GPT2: variants seen among roughly 807,000 people sequenced by gnomAD.
GPT2 encodes the protein glutamic--pyruvic transaminase 2.
A neutral mutation model predicts 56.9 loss-of-function variants in GPT2; 30 were observed. The observed-to-expected ratio is 0.53, with a 90% CI of 0.39 to 0.72. The LOEUF (loss-of-function observed/expected upper bound fraction) is 0.72. Among genes scored for constraint, GPT2 ranks in the 30% least tolerant of loss-of-function variants. The probability of loss-of-function intolerance (pLI) is 0.00; values close to 1 mark genes in which losing one functional copy is unlikely to be tolerated. For synonymous variants in GPT2, 271 were observed against 283.1 expected, an observed-to-expected ratio of 0.96 and a Z score of 0.43; for missense variants, 542 against 703.4, an observed-to-expected ratio of 0.77 and a Z score of 2.60.
chr16:46,906,373 T>G (rs1291727659), intron 4 of GPT2, among the ~76,000 whole-genome samples: 7 of 152,212 alleles, frequency 4.6e-5, no homozygotes. Context: ...GGTGCTATTT[T>G]GGAGCCTAAG....
intron 9 of GPT2, chr16:46,924,052 G>T: frequency 2.6e-6 from 1 of 380,052 alleles, no homozygotes; most frequent in Non-Finnish European, 5.1e-6. Flanking sequence ...CTCCCAGGGT[G>T]AGCGCTGTGG....
chr16:46,896,542 TC>T (rs1405100573), intron 2 of GPT2, among the ~76,000 whole-genome samples: 4 of 152,202 alleles, frequency 2.6e-5, no homozygotes, highest in Non-Finnish European at 5.9e-5. Context: ...TCCCTGCTGA[TC>T]CATGTCTTCC....
intron 3 of GPT2, among the ~76,000 whole-genome samples, chr16:46,897,982 A>C (rs909764967): frequency 6.6e-6 from 1 of 152,114 alleles, no homozygotes; most frequent in African/African-American, 2.4e-5. Flanking sequence ...CTGGGAGCTG[A>C]GTTAGGAACT....
At chr16:46,904,652 A>G (rs1239949192) in intron 4 of GPT2, among the ~76,000 whole-genome samples, 1 of 152,148 alleles carries the variant, frequency 6.6e-6, no homozygotes, top group African/African-American at 2.4e-5. Context: ...GGGCTTGCTA[A>G]TGGGTGAAGG....
chr16:46,922,759 C>T (rs981039247), intron 9 of GPT2, among the ~76,000 whole-genome samples: 2 of 152,068 alleles, frequency 1.3e-5, no homozygotes, highest in Admixed American at 6.5e-5. Context: ...AGGGGCGCAG[C>T]ATCGATCCCA....
Position 46,884,952 on chromosome 16 carries a change from G to A in GPT2, c.237G>A (p.Leu79=). 3 of 1,509,010 alleles carry A rather than the reference G, an allele frequency of 2.0e-6. No individual in the cohort carries two copies. Among genetic ancestry groups the A allele is most frequent in the Non-Finnish European group, 2.7e-6 (3 of 1,124,390 alleles). 93.5% of individuals were successfully genotyped at this position (1,509,010 alleles called of 1,614,324 possible). A position where few individuals can be genotyped will look rare whatever the true frequency, so the allele number is the denominator to read the frequency against. Residue 79 remains leucine (L), a synonymous_variant, in exon 2 of 12, where the codon CTG becomes CTA. Coordinates refer to ENST00000340124, the MANE Select transcript of GPT2 (RefSeq NM_133443.4). ...VLKAGEIELE[L]QRGIKKPFTE... ...AGGCCGGCGAGATCGAGCTCGAGCT[G>A]CAGCGGGTGAGCGCGCGCTGGGCCC...
In GPT2 at chr16:46,927,003, G is replaced by C; in HGVS notation, c.1447G>C (p.Gly483Arg). 1 of 1,609,224 alleles carries C rather than the reference G, an allele frequency of 6.2e-7. No homozygotes were observed. ...TGGCATCTGTGTCGTGCCCGGCAGT[G>C]GCTTTGGGCAGAGGGAAGGCACTTA... Reference protein sequence around the residue: ...ETGICVVPGSGFGQREGTYHF... With the variant: ...ETGICVVPGSRFGQREGTYHF... The change falls in exon 11 of 12, where the codon GGC (glycine) becomes CGC (arginine). Residue 483 changes from glycine (G) to arginine (R), a missense_variant. Coordinates refer to ENST00000340124, the MANE Select transcript of GPT2 (RefSeq NM_133443.4).
At chr16:46,909,653 T>C in intron 5 of GPT2, 31 bp from the exon 6 acceptor site, 1 of 1,603,184 alleles carries the variant, frequency 6.2e-7, no homozygotes, top group Non-Finnish European at 8.5e-7. Flanking sequence ...GAAGTAGTGC[T>C]GGCTTTCTAG....
chr16:46,920,678 G>A (rs1002743489), intron 8 of GPT2, among the ~76,000 whole-genome samples: 1 of 152,236 alleles, frequency 6.6e-6, no homozygotes, highest in Non-Finnish European at 1.5e-5. Flanking sequence ...CAGTCCCCTT[G>A]GGATGGCTGC....
At chr16:46,910,166 A>T (rs2143477324) in intron 6 of GPT2, among the ~76,000 whole-genome samples, 1 of 152,200 alleles carries the variant, frequency 6.6e-6, no homozygotes, top group Non-Finnish European at 1.5e-5. Flanking sequence ...GGATCACATG[A>T]GGTCAGAAAT....
chr16:46,886,843 G>T (rs746449542), intron 2 of GPT2, among the ~76,000 whole-genome samples: 18 of 152,168 alleles, frequency 1.2e-4, no homozygotes, highest in Non-Finnish European at 2.9e-5. Context: ...TTCTGAGACA[G>T]AAGCTCCACA....
chr16:46,909,999 G>C, intron 6 of GPT2, 72 bp downstream of exon 6: 2 of 1,495,392 alleles, frequency 1.3e-6, no homozygotes, highest in Non-Finnish European at 9.0e-7. Context: ...CTAGAAACCA[G>C]AGTTAAATAA....
chr16:46,916,711 A>C lies in GPT2; in HGVS notation c.900+4A>C. The C allele has an allele frequency of 6.2e-7, 1 of 1,605,036 alleles. No individual in the cohort carries two copies. Among genetic ancestry groups the C allele is most frequent in the Non-Finnish European group, 8.5e-7 (1 of 1,171,802 alleles). On this transcript the variant is annotated splice_donor_region_variant and intron_variant, in intron 7 of 11. Coordinates refer to ENST00000340124, the MANE Select transcript of GPT2 (RefSeq NM_133443.4). ...GCTCTTTCTCCTGGCTGATGAGGTA[A>C]GAATGTCCCCACTCAGAGGGAGTGG...
intron 2 of GPT2, among the ~76,000 whole-genome samples, chr16:46,896,362 C>CT (rs1960685611): frequency 6.6e-6 from 1 of 152,174 alleles, no homozygotes; most frequent in Admixed American, 6.5e-5. Context: ...GGGTCTTGGA[C>CT]TTCTCTCTGT....
intron 6 of GPT2, among the ~76,000 whole-genome samples, chr16:46,910,380 CAAAAAAAAA>C (rs4039999): frequency 1.3e-4 from 6 of 46,480 alleles, no homozygotes; most frequent in South Asian, 3.5e-3. Flanking sequence ...GACTCTGTCT[CAAAAAAAAA>C]AAAAAAAAAA....
At chr16:46,885,105 C>T in intron 2 of GPT2, 147 bp downstream of exon 2, 3 of 1,351,694 alleles carry the variant, frequency 2.2e-6, no homozygotes, top group Non-Finnish European at 1.9e-6. Flanking sequence ...AGAATGCCCC[C>T]TCCCGCCCGT....
At chr16:46,926,258 G>A (rs2143572363) in intron 10 of GPT2, among the ~76,000 whole-genome samples, 1 of 152,048 alleles carries the variant, frequency 6.6e-6, no homozygotes, top group East Asian at 1.9e-4. Flanking sequence ...AGACCAGCCT[G>A]GCCAACATGG....
rs369830114 is a variant in GPT2 at position 46,920,420 on chromosome 16, T to G, written c.1037+1663T>G. ...TGTAAGATTGTTGGAGCTCTAAGCC[T>G]GGACACATCTCATACGTACATGGAG... On this transcript the variant is annotated intron_variant, in intron 8 of 11. Transcript: ENST00000340124. Among the ~76,000 whole-genome samples, 4 of 152,206 alleles carry G rather than the reference T, an allele frequency of 2.6e-5. No homozygotes were observed. The East Asian group carries it at 5.8e-4, about 22-fold the overall frequency.
chr16:46,884,503 G>A (rs151287978), intron 1 of GPT2, 36 bp downstream of exon 1: 5,756 of 467,542 alleles, frequency 0.012, 48 homozygotes, highest in Non-Finnish European at 0.016. Flanking sequence ...CAGCCTTTGC[G>A]AAAGCCGGTT....
Sources: allele counts gnomAD v4.1 joint callset (sites outside exome capture counted in the v4.1 genomes callset), GRCh38; gene constraint gnomAD v4.1.1; transcripts MANE v1.5; gene names NCBI Gene and HGNC (gene_info 2026-07-23, HGNC 2026-07-21).